DCT: variants seen among roughly 807,000 people sequenced by gnomAD.
DCT encodes L-dopachrome tautomerase.
In DCT, 47 loss-of-function variants were observed where a neutral mutation model predicts 53.0. The ratio of observed to expected loss-of-function variants is 0.89; its 90% CI spans 0.70 to 1.13. DCT has a LOEUF of 1.13. Ranked by LOEUF, DCT falls within the 50% of genes most tolerant of loss-of-function variation. The pLI is 0.00. For missense variants in DCT, 669 were observed against 637.4 expected, an observed-to-expected ratio of 1.05 and a Z score of -0.53; for synonymous variants, 244 against 237.0, an observed-to-expected ratio of 1.03 and a Z score of -0.27.
chr13:94,485,764 A>G, the DCT span, among the ~76,000 whole-genome samples: 8 of 152,192 alleles, frequency 5.3e-5, no homozygotes, highest in Non-Finnish European at 1.5e-5. Flanking sequence ...GAAAGGGCTA[A>G]AAGTATTGAT....
intron 6 of DCT, among the ~76,000 whole-genome samples, 182 bp from the exon 7 acceptor site, chr13:94,443,819 T>G (rs1013897821): frequency 2.6e-5 from 4 of 151,978 alleles, no homozygotes; most frequent in Non-Finnish European, 5.9e-5. Context: ...TCATATAGAG[T>G]GACTATGATG....
intron 6 of DCT, among the ~76,000 whole-genome samples, chr13:94,447,323 A>G (rs9590012): frequency 0.11 from 16,098 of 152,250 alleles, 1,493 homozygotes; most frequent in African/African-American, 0.25. Context: ...GGATTATCAG[A>G]CATTAGTTAG....
At chr13:94,453,321 G>T (rs1338225311) in intron 6 of DCT, among the ~76,000 whole-genome samples, 4 of 151,694 alleles carry the variant, frequency 2.6e-5, no homozygotes, top group Non-Finnish European at 5.9e-5. Context: ...AAACATATGA[G>T]AATATGAAAA....
chr13:94,480,099 A>G (rs542279460), upstream of DCT, among the ~76,000 whole-genome samples: 1 of 152,348 alleles, frequency 6.6e-6, no homozygotes, highest in East Asian at 1.9e-4. Context: ...ACCAGGGTAC[A>G]AGGAATTGCT....
chr13:94,530,792 C>A, the DCT span, among the ~76,000 whole-genome samples: 1 of 152,032 alleles, frequency 6.6e-6, no homozygotes, highest in Non-Finnish European at 1.5e-5. Flanking sequence ...CTGGCCAGGG[C>A]AATCAGGCAG....
At chr13:94,534,229 C>T in the DCT span, among the ~76,000 whole-genome samples, 1 of 152,172 alleles carries the variant, frequency 6.6e-6, no homozygotes, top group Non-Finnish European at 1.5e-5. Flanking sequence ...CCAACTCTCT[C>T]TCTTACTTTT....
chr13:94,466,796 T>C (rs1365276689), intron 2 of DCT, 138 bp from the exon 3 acceptor site: 3 of 458,476 alleles, frequency 6.5e-6, no homozygotes, highest in African/African-American at 4.0e-5. Context: ...TGTTGTTATT[T>C]ATATCTCCAA....
the DCT span, among the ~76,000 whole-genome samples, chr13:94,495,632 C>T: frequency 2.6e-5 from 4 of 152,224 alleles, no homozygotes; most frequent in East Asian, 7.7e-4. Context: ...ATATAACATG[C>T]TACCTTTTTG....
the DCT span, among the ~76,000 whole-genome samples, chr13:94,537,302 C>T: frequency 3.3e-5 from 5 of 152,206 alleles, no homozygotes; most frequent in African/African-American, 9.6e-5. Flanking sequence ...GTTCTTCAAA[C>T]CTTCCATTTA....
intron 6 of DCT, among the ~76,000 whole-genome samples, chr13:94,458,771 C>T (rs573603729): frequency 6.6e-6 from 1 of 152,232 alleles, no homozygotes; most frequent in Non-Finnish European, 1.5e-5. Flanking sequence ...CACTGCACTC[C>T]AGCCTGGGCA....
Position 94,479,303 on chromosome 13 carries a change from C to A in DCT, c.-48G>T. 6.8e-7 allele frequency: 1 copy of A among 1,462,468 alleles called. No individual in the cohort carries two copies. The highest frequency in any genetic ancestry group is 9.2e-7 in the Non-Finnish European group (1 of 1,092,026). 90.6% of individuals were successfully genotyped at this position (1,462,468 alleles called of 1,614,324 possible). A position where few individuals can be genotyped will look rare whatever the true frequency, so the allele number is the denominator to read the frequency against. Reference sequence around the variant, plus strand: ...TCTCTCTCTCTTACTTTCCTTGTCTCTGTCGTACTTTTCTCCTTATCTTCT... The same window carrying A: ...TCTCTCTCTCTTACTTTCCTTGTCTATGTCGTACTTTTCTCCTTATCTTCT... On this transcript the variant is annotated 5_prime_UTR_variant, in exon 1 of 8. Coordinates refer to ENST00000377028, the MANE Select transcript of DCT (RefSeq NM_001922.5).
At chr13:94,485,241 G>T in the DCT span, among the ~76,000 whole-genome samples, 1 of 152,150 alleles carries the variant, frequency 6.6e-6, no homozygotes. Flanking sequence ...CATAGATTTT[G>T]TTAGCTTCTC....
intron 6 of DCT, among the ~76,000 whole-genome samples, chr13:94,449,084 GA>G (rs201418241): frequency 8.7e-5 from 12 of 137,838 alleles, no homozygotes; most frequent in African/African-American, 2.1e-4. Context: ...TACAGAAAAG[GA>G]AAAAAAAAAC....
the DCT span, among the ~76,000 whole-genome samples, chr13:94,512,938 TG>T: frequency 6.6e-6 from 1 of 152,160 alleles, no homozygotes; most frequent in Non-Finnish European, 1.5e-5. Context: ...GAGGAAGCTG[TG>T]GGAGGCTGAA....
In DCT at chr13:94,468,948, A is replaced by G; in HGVS notation, c.393T>C (p.His131=). 6.2e-7 allele frequency: 1 copy of G among 1,614,146 alleles called. No individual in the cohort carries two copies. Among genetic ancestry groups the G allele is most frequent in the Non-Finnish European group, 8.5e-7 (1 of 1,180,034 alleles). ...GCTCTCTTTCCTGAGGACTCAAGGA[A>G]TGGATGTTCTGCCGAATCACTGGTG... ...KKPPVIRQNI[H]SLSPQEREQF... Residue 131 remains histidine, a synonymous_variant, in exon 2 of 8, where the codon CAT becomes CAC. Transcript: ENST00000377028.
the DCT span, among the ~76,000 whole-genome samples, chr13:94,536,365 C>A: frequency 1.3e-5 from 2 of 152,168 alleles, no homozygotes; most frequent in East Asian, 3.9e-4. Context: ...TGCTAAAGAC[C>A]AACCCAGTGT....
intron 6 of DCT, among the ~76,000 whole-genome samples, chr13:94,457,341 T>A (rs933581217): frequency 6.6e-6 from 1 of 152,256 alleles, no homozygotes; most frequent in East Asian, 1.9e-4. Context: ...AGTGTTATCA[T>A]AAAAGGAGGC....
chr13:94,477,527 C>T (rs1885173661), intron 1 of DCT, among the ~76,000 whole-genome samples: 1 of 152,228 alleles, frequency 6.6e-6, no homozygotes, highest in South Asian at 2.1e-4. Flanking sequence ...TGAAAAACTA[C>T]CCACTGGGTG....
chr13:94,508,810 T>C, the DCT span, among the ~76,000 whole-genome samples: 3 of 152,194 alleles, frequency 2.0e-5, no homozygotes, highest in African/African-American at 7.2e-5. Context: ...AGATGCTGCC[T>C]CAGAACTTTC....
Sources: gnomAD v4.1 joint callset for allele counts (sites outside exome capture counted in the v4.1 genomes callset) on GRCh38, gnomAD v4.1.1 for gene constraint, MANE v1.5 for transcripts, NCBI Gene and HGNC (gene_info 2026-07-23, HGNC 2026-07-21) for gene names.